GIGYF2: variants seen among roughly 807,000 people sequenced by gnomAD.
GIGYF2 encodes GRB10 interacting GYF protein 2.
A neutral mutation model predicts 208.1 loss-of-function variants in GIGYF2; 25 were observed. The ratio of observed to expected loss-of-function variants is 0.12; its 90% confidence interval spans 0.09 to 0.17. The LOEUF is 0.17. Ranked by LOEUF, GIGYF2 falls within the 10% of genes least tolerant of loss-of-function variation. The probability of loss-of-function intolerance (pLI) is 1.00; values close to 1 mark genes in which losing one functional copy is unlikely to be tolerated. For missense variants in GIGYF2, 1,302 were observed against 1,579.4 expected (o/e 0.82, Z 2.98); for synonymous variants, 534 against 543.8 (o/e 0.98, Z 0.25).
chr2:232,814,508 A>T (rs1460167584), intron 18 of GIGYF2, among the ~76,000 whole-genome samples: 4 of 142,806 alleles, frequency 2.8e-5, no homozygotes, highest in African/African-American at 1.0e-4. Context: ...GGTTGCAGTG[A>T]GCCGAGATCA....
chr2:232,756,207 T>G lies in GIGYF2; in HGVS notation c.268-16T>G. On this transcript the variant is annotated splice_polypyrimidine_tract_variant and intron_variant, in intron 5 of 28. Coordinates refer to ENST00000373563, the MANE Select transcript of GIGYF2 (RefSeq NM_001103146.3). ...TTTTTTCCTTTTTCTCTTTTTTTTT[T>G]TTTTTTTTTTGGCAGAGAAACTTTT... 2 of 1,232,490 alleles carry G rather than the reference T, an allele frequency of 1.6e-6. No individual in the cohort carries two copies. Among genetic ancestry groups the G allele is most frequent in the Non-Finnish European group, 2.2e-6 (2 of 891,326 alleles). The allele number at this position is 1,232,490 out of a possible 1,614,324, so 76.3% of individuals were successfully genotyped here. A position where few individuals can be genotyped will look rare whatever the true frequency, so the allele number is the denominator to read the frequency against.
chr2:232,811,070 G>A, intron 16 of GIGYF2, 174 bp from the exon 17 acceptor site: 1 of 577,388 alleles, frequency 1.7e-6, no homozygotes, highest in Non-Finnish European at 3.1e-6. Flanking sequence ...CTAGAATGAA[G>A]CATAGAATTT....
At chr2:232,711,015 T>C (rs989557826) in intron 2 of GIGYF2, among the ~76,000 whole-genome samples, 1 of 152,028 alleles carries the variant, frequency 6.6e-6, no homozygotes, top group Non-Finnish European at 1.5e-5. Flanking sequence ...CTTGGTGTTC[T>C]TATTGTCAGT....
chr2:232,724,798 C>T (rs1349620826), intron 2 of GIGYF2: 1 of 152,156 alleles, frequency 6.6e-6, no homozygotes, highest in African/African-American at 2.4e-5. Context: ...AGTAATCCTC[C>T]TGCCTCAGTC....
At chr2:232,800,169 G>A (rs1011328427) in intron 14 of GIGYF2, among the ~76,000 whole-genome samples, 4 of 150,112 alleles carry the variant, frequency 2.7e-5, no homozygotes, top group Admixed American at 2.0e-4. Flanking sequence ...TGTTGCCTAT[G>A]CCTTTGGTGT....
chr2:232,834,767 G>C lies in GIGYF2; in HGVS notation c.2766+1674G>C, dbSNP rs540910864. ...CTTCTCTCTATTCTTTGTGTAATCT[G>C]TATTGATCTATCTTTAAGTTTCTTT... On this transcript the variant is annotated intron_variant, in intron 22 of 28. Coordinates refer to ENST00000373563, the MANE Select transcript of GIGYF2 (RefSeq NM_001103146.3). Among the ~76,000 whole-genome samples the C allele has an allele frequency of 2.8e-4, 43 of 151,940 alleles. 1 individual carries two copies. In the South Asian group the frequency reaches 8.3e-3, roughly 29 times the overall value.
intron 8 of GIGYF2, chr2:232,767,023 A>G (rs972195729): frequency 2.0e-5 from 3 of 152,196 alleles, no homozygotes; most frequent in Non-Finnish European, 4.4e-5. Context: ...TAAACTGGAC[A>G]TAAGGGAAAG....
In GIGYF2 at chr2:232,836,389, TATAA is replaced by T. The variant is rs1429646561; in HGVS notation, c.2766+3300_2766+3303del. ...ATAAATATATATAAATATAAATATA[TATAA>T]ATATAAATATATATATAAATAAATT... On this transcript the variant is annotated intron_variant, in intron 22 of 28. Transcript: ENST00000373563. Among the ~76,000 whole-genome samples the T allele has an allele frequency of 6.3e-4, 61 of 96,728 alleles. 5 individuals carry two copies. Among genetic ancestry groups the T allele is most frequent in the African/African-American group, 2.1e-3 (43 of 20,658 alleles). The allele number at this position is 96,728 out of a possible 152,430, so 63.5% of individuals were successfully genotyped here.
chr2:232,784,386 C>T lies in GIGYF2; in HGVS notation c.533-2764C>T, dbSNP rs373327546. On this transcript the variant is annotated intron_variant, in intron 8 of 28. Coordinates refer to ENST00000373563, the MANE Select transcript of GIGYF2 (RefSeq NM_001103146.3). ...TCTAGCTACTTACACGAAATAATTT[C>T]TTTTTTTTTTTTTTTTTTTTTGAGA... 3.0e-3 allele frequency among the ~76,000 whole-genome samples: 280 copies of T among 92,222 alleles called. 1 individual carries two copies. Among genetic ancestry groups the T allele is most frequent in the Middle Eastern group, 8.9e-3 (1 of 112 alleles). The allele number at this position is 92,222 out of a possible 152,430, so 60.5% of individuals were successfully genotyped here.
intron 5 of GIGYF2, among the ~76,000 whole-genome samples, chr2:232,749,951 G>A (rs918370038): frequency 1.3e-5 from 2 of 152,088 alleles, no homozygotes; most frequent in Non-Finnish European, 2.9e-5. Flanking sequence ...TTGGGAGGCC[G>A]AGGTGGGCGG....
intron 4 of GIGYF2, among the ~76,000 whole-genome samples, chr2:232,748,243 TACTC>T (rs1472019327): frequency 6.6e-5 from 10 of 152,340 alleles, no homozygotes; most frequent in African/African-American, 2.2e-4. Flanking sequence ...ACTTTTATCT[TACTC>T]ACTGACTAGT....
At chr2:232,709,524 A>G (rs936957889) in intron 2 of GIGYF2, among the ~76,000 whole-genome samples, 6 of 152,074 alleles carry the variant, frequency 3.9e-5, no homozygotes, top group Non-Finnish European at 7.4e-5. Context: ...AAATTTTTTC[A>G]TAGAGGCCGG....
chr2:232,793,699 A>G (rs921550959), intron 12 of GIGYF2, among the ~76,000 whole-genome samples: 3 of 152,192 alleles, frequency 2.0e-5, no homozygotes, highest in Non-Finnish European at 4.4e-5. Flanking sequence ...TAGTAGGGGT[A>G]AGAAGAAAAG....
intron 7 of GIGYF2, 160 bp downstream of exon 7, chr2:232,760,751 G>T (rs868190300): frequency 3.0e-5 from 18 of 600,926 alleles, no homozygotes; most frequent in Non-Finnish European, 4.2e-5. Flanking sequence ...ATTTTTAAAT[G>T]ATTCTTATTT....
rs7598524 is a variant in GIGYF2 at position 232,810,868 on chromosome 2, T to C, written c.1899-376T>C. 9 of 250,858 alleles carry C rather than the reference T, an allele frequency of 3.6e-5. No homozygotes were observed. In the East Asian group the frequency reaches 5.1e-4, roughly 14 times the overall value. The allele number at this position is 250,858 out of a possible 1,614,324, so 15.5% of individuals were successfully genotyped here. A position where few individuals can be genotyped will look rare whatever the true frequency, so the allele number is the denominator to read the frequency against. ...TTTTACAAAGGGTACGTCATATGGTTAAAGCTACTAATTTGAATCTGTTTC... is the reference window on the plus strand; with the variant it reads ...TTTTACAAAGGGTACGTCATATGGTCAAAGCTACTAATTTGAATCTGTTTC... On this transcript the variant is annotated intron_variant, in intron 16 of 28. Transcript: ENST00000373563.
intron 8 of GIGYF2, among the ~76,000 whole-genome samples, chr2:232,775,462 A>G (rs771771011): frequency 2.0e-5 from 3 of 152,184 alleles, no homozygotes; most frequent in Admixed American, 6.5e-5. Flanking sequence ...TTATTTCTGT[A>G]TAGTTTGATG....
At chr2:232,836,319 TATATATATATACATATATATAC>T (rs1701619681) in intron 22 of GIGYF2, among the ~76,000 whole-genome samples, 1 of 23,734 alleles carries the variant, frequency 4.2e-5, no homozygotes, top group African/African-American at 1.3e-4. Context: ...TATATATATA[TATATATATATACATATATATAC>T]TTATATATTT....
At chr2:232,826,816 G>GAGTC (rs1482979163) in intron 21 of GIGYF2, among the ~76,000 whole-genome samples, 5 of 152,194 alleles carry the variant, frequency 3.3e-5, no homozygotes, top group African/African-American at 1.2e-4. Context: ...ATAGAAAGTA[G>GAGTC]AGTCAGTCAA....
intron 8 of GIGYF2, among the ~76,000 whole-genome samples, chr2:232,770,213 T>C (rs1699176743): frequency 6.6e-6 from 1 of 152,238 alleles, no homozygotes; most frequent in South Asian, 2.1e-4. Context: ...CTTCTCAGAT[T>C]ATTATTGAAT....
Sources: gnomAD v4.1 joint callset for allele counts (sites outside exome capture counted in the v4.1 genomes callset) on GRCh38, gnomAD v4.1.1 for gene constraint, MANE v1.5 for transcripts, NCBI Gene and HGNC (gene_info 2026-07-23, HGNC 2026-07-21) for gene names.